Variants in DENND5A observed in about 807,000 individuals in gnomAD.
The protein encoded by DENND5A is DENN domain containing 5A.
DENND5A carries 64 observed loss-of-function variants against 140.3 expected under a neutral mutation model. The ratio of observed to expected loss-of-function variants is 0.46; its 90% CI spans 0.37 to 0.56. The LOEUF is 0.56. Ranked by LOEUF, DENND5A falls within the 20% of genes least tolerant of loss-of-function variation. DENND5A has a pLI of 0.00. For missense variants in DENND5A, 1,292 were observed against 1,593.8 expected, an observed-to-expected ratio of 0.81 and a Z score of 3.22; for synonymous variants, 605 against 607.7, an observed-to-expected ratio of 1.00 and a Z score of 0.07.
intron 1 of DENND5A, among the ~76,000 whole-genome samples, 194 bp downstream of exon 1, chr11:9,264,767 G>A (rs781378489): frequency 2.3e-4 from 35 of 152,102 alleles, no homozygotes; most frequent in Non-Finnish European, 4.4e-4. Context: ...CGTAGGTTTG[G>A]ACCCCTCATG....
At position 9,139,632 on chromosome 11, in the gene DENND5A, G is replaced by C. The variant is rs747142131; in HGVS notation, c.*39C>G. 6.3e-7 allele frequency: 1 copy of C among 1,592,010 alleles called. No individual in the cohort carries two copies. Among genetic ancestry groups the C allele is most frequent in the Non-Finnish European group, 8.6e-7 (1 of 1,165,832 alleles). On this transcript the variant is annotated 3_prime_UTR_variant, in exon 23 of 23. Transcript: ENST00000328194. ...GGAAAAAAGGTCAGAGCTGCAGGGT[G>C]AGTCTTTCTCAGTCCTGCTGCTGGC...
chr11:9,218,941 G>A (rs966052424), intron 1 of DENND5A, among the ~76,000 whole-genome samples: 3 of 152,078 alleles, frequency 2.0e-5, no homozygotes, highest in African/African-American at 7.2e-5. Context: ...GGGAGGTGGA[G>A]GTTGCAGTAA....
At chr11:9,168,639 A>G (rs1848267410) in intron 10 of DENND5A, among the ~76,000 whole-genome samples, 1 of 152,226 alleles carries the variant, frequency 6.6e-6, no homozygotes, top group Non-Finnish European at 1.5e-5. Context: ...CACAAAAAAA[A>G]AAATCCCAGT....
At chr11:9,215,921 G>A (rs192717556) in intron 1 of DENND5A, among the ~76,000 whole-genome samples, 72 of 152,164 alleles carry the variant, frequency 4.7e-4, no homozygotes, top group African/African-American at 1.7e-3. Flanking sequence ...GCTCCCAGAG[G>A]CTACACAGGT....
At chr11:9,166,153 G>A (rs528801138) in intron 10 of DENND5A, among the ~76,000 whole-genome samples, 186 bp from the exon 11 acceptor site, 138 of 149,704 alleles carry the variant, frequency 9.2e-4, no homozygotes, top group Middle Eastern at 6.8e-3. Context: ...ATCTCAGCTC[G>A]CTGCAACCTC....
intron 1 of DENND5A, among the ~76,000 whole-genome samples, chr11:9,257,518 G>C (rs1851997884): frequency 7.9e-6 from 1 of 127,276 alleles, no homozygotes; most frequent in South Asian, 2.5e-4. Context: ...GTCTCACACT[G>C]TTGCCCAGGC....
chr11:9,143,189 T>C, intron 20 of DENND5A: 1 of 611,246 alleles, frequency 1.6e-6, no homozygotes, highest in Non-Finnish European at 2.9e-6. Context: ...CTCTATTGGG[T>C]CATCAGTATG....
intron 1 of DENND5A, among the ~76,000 whole-genome samples, chr11:9,248,961 G>C (rs995250200): frequency 1.3e-5 from 2 of 152,102 alleles, no homozygotes; most frequent in African/African-American, 4.8e-5. Flanking sequence ...GTCCTGGCTG[G>C]GCGCGGTGGC....
At chr11:9,174,776 TGATA>T (rs34123681) in intron 8 of DENND5A, among the ~76,000 whole-genome samples, 22,684 of 151,858 alleles carry the variant, frequency 0.15, 2,347 homozygotes, top group East Asian at 0.38. Context: ...ATAATTACCT[TGATA>T]GATACAGAAA....
At chr11:9,258,938 CTT>C (rs1186992579) in intron 1 of DENND5A, among the ~76,000 whole-genome samples, 1 of 152,108 alleles carries the variant, frequency 6.6e-6, no homozygotes, top group Non-Finnish European at 1.5e-5. Flanking sequence ...ACCTTTTTCT[CTT>C]TCTTAATTAT....
At chr11:9,250,808 ACATT>A (rs1851684577) in intron 1 of DENND5A, among the ~76,000 whole-genome samples, 1 of 152,220 alleles carries the variant, frequency 6.6e-6, no homozygotes, top group Non-Finnish European at 1.5e-5. Flanking sequence ...CAATGCACAT[ACATT>A]GTTTGGCCAA....
At chr11:9,224,924 G>T (rs1850470426) in intron 1 of DENND5A, among the ~76,000 whole-genome samples, 1 of 151,450 alleles carries the variant, frequency 6.6e-6, no homozygotes, top group African/African-American at 2.4e-5. Flanking sequence ...AGTTCTTCTG[G>T]AAATTTTCTG....
intron 12 of DENND5A, among the ~76,000 whole-genome samples, chr11:9,159,304 G>A (rs1847902682): frequency 6.6e-6 from 1 of 151,152 alleles, no homozygotes; most frequent in Non-Finnish European, 1.5e-5. Context: ...GACTAATGCT[G>A]CTATGAACTT....
intron 1 of DENND5A, among the ~76,000 whole-genome samples, chr11:9,264,426 A>G (rs969305008): frequency 2.0e-5 from 3 of 151,990 alleles, no homozygotes; most frequent in Non-Finnish European, 4.4e-5. Context: ...GCCCAAGTTC[A>G]CTTTATTACT....
chr11:9,160,612 T>C, intron 12 of DENND5A, 101 bp downstream of exon 12: 1 of 1,085,210 alleles, frequency 9.2e-7, no homozygotes, highest in Non-Finnish European at 1.3e-6. Context: ...CTGTGCACCA[T>C]TCTTCAAAGC....
intron 5 of DENND5A, among the ~76,000 whole-genome samples, chr11:9,192,445 A>G (rs1322636504): frequency 6.6e-6 from 1 of 151,956 alleles, no homozygotes; most frequent in African/African-American, 2.4e-5. Context: ...TGGCCAACAT[A>G]GTGAAACCCC....
At chr11:9,208,229 C>T (rs530456932) in intron 1 of DENND5A, among the ~76,000 whole-genome samples, 1 of 152,302 alleles carries the variant, frequency 6.6e-6, no homozygotes, top group Admixed American at 6.5e-5. Flanking sequence ...AAAGAACATA[C>T]ACATACAAAT....
intron 6 of DENND5A, among the ~76,000 whole-genome samples, chr11:9,180,211 T>C (rs1361364712): frequency 6.6e-6 from 1 of 151,910 alleles, no homozygotes; most frequent in Non-Finnish European, 1.5e-5. Context: ...CCCACCACTT[T>C]GGGAGGCAAG....
intron 3 of DENND5A, among the ~76,000 whole-genome samples, chr11:9,204,968 T>G (rs1849646947): frequency 6.6e-6 from 1 of 151,978 alleles, no homozygotes. Context: ...CTTGGAAAAT[T>G]TAGGAAATGG....
Sources: allele counts gnomAD v4.1 joint callset (sites outside exome capture counted in the v4.1 genomes callset), GRCh38; gene constraint gnomAD v4.1.1; transcripts MANE v1.5; gene names NCBI Gene and HGNC (gene_info 2026-07-23, HGNC 2026-07-21).